The following MYO3B variants were observed in gnomAD, a reference collection of about 807,000 sequenced individuals.
MYO3B encodes myosin-IIIb.
Under a neutral mutation model 174.6 loss-of-function variants are expected in MYO3B, and 156 were observed. The observed-to-expected ratio is 0.89, with a 90% confidence interval of 0.78 to 1.02. MYO3B has a LOEUF of 1.02. Ranked by LOEUF, MYO3B falls within the 50% of genes least tolerant of loss-of-function variation. The pLI is 0.00. For missense variants in MYO3B, 1,632 were observed against 1,639.4 expected, an observed-to-expected ratio of 1.00 and a Z score of 0.08; for synonymous variants, 563 against 569.1, an observed-to-expected ratio of 0.99 and a Z score of 0.15.
chr2:170,266,768 T>C (rs1199621388), intron 7 of MYO3B, among the ~76,000 whole-genome samples: 1 of 152,214 alleles, frequency 6.6e-6, no homozygotes, highest in African/African-American at 2.4e-5. Context: ...TCATTTCTAA[T>C]AGGTTTCTTC....
intron 23 of MYO3B, among the ~76,000 whole-genome samples, chr2:170,458,321 G>A (rs1398343838): frequency 6.6e-6 from 1 of 152,174 alleles, no homozygotes; most frequent in Non-Finnish European, 1.5e-5. Context: ...ACCATTGACT[G>A]AAATGTCCTA....
chr2:170,228,573 C>A (rs1379120986), intron 6 of MYO3B, among the ~76,000 whole-genome samples: 1 of 152,074 alleles, frequency 6.6e-6, no homozygotes, highest in African/African-American at 2.4e-5. Flanking sequence ...TGATCTGTTC[C>A]CAGGGCTTCA....
intron 22 of MYO3B, among the ~76,000 whole-genome samples, chr2:170,408,816 G>A (rs1015389799): frequency 6.6e-6 from 1 of 151,452 alleles, no homozygotes; most frequent in Non-Finnish European, 1.5e-5. Context: ...TGGAAGGAAA[G>A]TTGAAATCCG....
chr2:170,519,101 A>G (rs1045068962), intron 29 of MYO3B, among the ~76,000 whole-genome samples: 1 of 152,196 alleles, frequency 6.6e-6, no homozygotes, highest in Admixed American at 6.5e-5. Flanking sequence ...GTCTCTGTCT[A>G]GCACAGTGTT....
chr2:170,226,427 A>C (rs1467806141), intron 6 of MYO3B, among the ~76,000 whole-genome samples: 1 of 152,312 alleles, frequency 6.6e-6, no homozygotes, highest in East Asian at 1.9e-4. Context: ...CTACATTTGC[A>C]GAGTGGTTCT....
intron 7 of MYO3B, among the ~76,000 whole-genome samples, chr2:170,281,021 T>C (rs2093504928): frequency 6.6e-6 from 1 of 152,210 alleles, no homozygotes; most frequent in Non-Finnish European, 1.5e-5. Context: ...AGAATGTCAT[T>C]TGTAATTTGA....
chr2:170,482,159 C>T (rs1282359299), intron 25 of MYO3B, among the ~76,000 whole-genome samples: 6 of 143,884 alleles, frequency 4.2e-5, no homozygotes, highest in Admixed American at 2.1e-4. Flanking sequence ...AGTTCTCTCT[C>T]TTTTTTTTTT....
chr2:170,538,866 A>T (rs1344244067), intron 30 of MYO3B, among the ~76,000 whole-genome samples: 1 of 152,214 alleles, frequency 6.6e-6, no homozygotes, highest in African/African-American at 2.4e-5. Context: ...TATTCACCTT[A>T]TTTTGATAGC....
At chr2:170,564,728 G>A (rs948571164) in intron 32 of MYO3B, among the ~76,000 whole-genome samples, 7 of 151,258 alleles carry the variant, frequency 4.6e-5, no homozygotes, top group Admixed American at 4.6e-4. Flanking sequence ...TTTTTTTTAA[G>A]TTCAGAAAAA....
At chr2:170,260,835 A>T (rs1341636153) in intron 7 of MYO3B, among the ~76,000 whole-genome samples, 1 of 152,168 alleles carries the variant, frequency 6.6e-6, no homozygotes, top group Non-Finnish European at 1.5e-5. Flanking sequence ...CTAGTGGGTA[A>T]TTATACTAGT....
At chr2:170,515,379 A>C (rs1213990547) in intron 29 of MYO3B, among the ~76,000 whole-genome samples, 5 of 152,142 alleles carry the variant, frequency 3.3e-5, no homozygotes, top group Non-Finnish European at 7.3e-5. Context: ...TTACCTTAAG[A>C]CTGAGGAAAG....
rs182239393 is a variant in MYO3B at position 170,579,057 on chromosome 2, C to G, written c.3733+35069C>G. Among the ~76,000 whole-genome samples, 11 of 152,220 alleles carry G rather than the reference C, an allele frequency of 7.2e-5. No individual in the cohort carries two copies. The East Asian group carries it at 1.9e-3, about 27-fold the overall frequency. On this transcript the variant is annotated intron_variant, in intron 32 of 34. Coordinates refer to ENST00000408978, the MANE Select transcript of MYO3B (RefSeq NM_138995.5). ...GCAGTGCACATCGCCATAGAAACAA[C>G]TATTCATATAAAGCAATAGAAGTAT... is the stretch of plus-strand genomic sequence containing the variant.
At chr2:170,381,583 C>T (rs956353607) in intron 9 of MYO3B, among the ~76,000 whole-genome samples, 6 of 152,100 alleles carry the variant, frequency 3.9e-5, no homozygotes, top group South Asian at 2.1e-4. Flanking sequence ...GAAAGTGTTA[C>T]GTAGGTTAAA....
At chr2:170,251,297 A>G (rs2093250503) in intron 7 of MYO3B, among the ~76,000 whole-genome samples, 1 of 152,092 alleles carries the variant, frequency 6.6e-6, no homozygotes, top group Non-Finnish European at 1.5e-5. Context: ...TGGCTCAAGG[A>G]CACACAGTTA....
At chr2:170,454,005 G>A (rs1159077501) in intron 23 of MYO3B, among the ~76,000 whole-genome samples, 1 of 152,190 alleles carries the variant, frequency 6.6e-6, no homozygotes, top group Non-Finnish European at 1.5e-5. Context: ...CTTACAGAGG[G>A]TTCTTCAAGT....
In MYO3B at chr2:170,369,255, C is replaced by T. The variant is rs367830596; in HGVS notation, c.849C>T (p.Ser283=). Reference sequence around the variant, plus strand: ...TTAAGGATTTTGAAAGGCGACCTTCCGTCACACATCTCCTTGACCACCCAT... The same window carrying T: ...TTAAGGATTTTGAAAGGCGACCTTCTGTCACACATCTCCTTGACCACCCAT... ...CLIKDFERRP[S]VTHLLDHPFI... Residue 283 remains serine (S), a synonymous_variant, in exon 9 of 35, where the codon TCC becomes TCT. Coordinates refer to ENST00000408978, the MANE Select transcript of MYO3B (RefSeq NM_138995.5). The T allele has an allele frequency of 3.3e-5, 53 of 1,613,028 alleles. 1 individual carries two copies. Among genetic ancestry groups the T allele is most frequent in the Middle Eastern group, 1.6e-4 (1 of 6,082 alleles).
At chr2:170,651,203 C>T (rs372335476) in intron 32 of MYO3B, among the ~76,000 whole-genome samples, 1 of 152,184 alleles carries the variant, frequency 6.6e-6, no homozygotes, top group East Asian at 1.9e-4. Flanking sequence ...TTGCTTCTCA[C>T]CTCCCCAAGA....
intron 1 of MYO3B, among the ~76,000 whole-genome samples, chr2:170,197,781 T>A (rs2092616991): frequency 6.6e-6 from 1 of 152,212 alleles, no homozygotes; most frequent in Non-Finnish European, 1.5e-5. Context: ...ATTTATTAAC[T>A]ATTTACTGAA....
At chr2:170,237,995 A>AT (rs1270145538) in intron 7 of MYO3B, among the ~76,000 whole-genome samples, 2 of 152,204 alleles carry the variant, frequency 1.3e-5, no homozygotes, top group African/African-American at 4.8e-5. Context: ...GACAAGAATG[A>AT]TAAGAGGTTT....
Sources: gnomAD v4.1 joint callset for allele counts (sites outside exome capture counted in the v4.1 genomes callset) on GRCh38, gnomAD v4.1.1 for gene constraint, MANE v1.5 for transcripts, NCBI Gene and HGNC (gene_info 2026-07-23, HGNC 2026-07-21) for gene names.